The following MCF2L2 variants were observed in gnomAD, a reference collection of about 807,000 sequenced individuals.
MCF2L2 encodes the protein MCF.2 cell line derived transforming sequence-like 2, also known as probable guanine nucleotide exchange factor MCF2L2.
In MCF2L2, 102 loss-of-function variants were observed where a neutral mutation model predicts 150.2. That is an observed-to-expected ratio of 0.68 (90% CI 0.58 to 0.80). MCF2L2 has a LOEUF of 0.80. MCF2L2 is among the 30% of genes least tolerant of loss of function. The probability of loss-of-function intolerance (pLI) is 0.00; values close to 1 mark genes in which losing one functional copy is unlikely to be tolerated. For synonymous variants in MCF2L2, 465 were observed against 491.3 expected, an observed-to-expected ratio of 0.95 and a Z score of 0.71; for missense variants, 1,256 against 1,372.8, an observed-to-expected ratio of 0.91 and a Z score of 1.34.
In MCF2L2 at chr3:183,205,929, C is replaced by A. The variant is rs1325282351; in HGVS notation, c.2831G>T (p.Cys944Phe). ...TAATTTACTTATTTCTGAAAACCAA[C>A]AGTCTCTGATTTCTTTTGAAGCTGC... is the stretch of plus-strand genomic sequence containing the variant. ...LQAASKEIRDCWFSEISKLLM... is the reference protein window; with the variant it reads ...LQAASKEIRDFWFSEISKLLM... Residue 944 changes from cysteine (C) to phenylalanine (F), a missense_variant, in exon 25 of 30, where the codon TGT becomes TTT. Coordinates refer to ENST00000328913, the MANE Select transcript of MCF2L2 (RefSeq NM_015078.4). 2 of 1,614,054 alleles carry A rather than the reference C, an allele frequency of 1.2e-6. No individual in the cohort carries two copies. The highest frequency in any genetic ancestry group is 8.5e-7 in the Non-Finnish European group (1 of 1,179,934).
At chr3:183,340,809 G>T (rs550576861) in intron 4 of MCF2L2, among the ~76,000 whole-genome samples, 1 of 152,102 alleles carries the variant, frequency 6.6e-6, no homozygotes, top group Non-Finnish European at 1.5e-5. Context: ...CAAGCGTGGT[G>T]GTGCACGCCT....
intron 15 of MCF2L2, among the ~76,000 whole-genome samples, chr3:183,268,374 C>T (rs1183776973): frequency 6.6e-6 from 1 of 152,058 alleles, no homozygotes; most frequent in African/African-American, 2.4e-5. Flanking sequence ...GTCACGCTGA[C>T]TGTAAAGTGG....
intron 13 of MCF2L2, among the ~76,000 whole-genome samples, chr3:183,290,412 C>CTAATA (rs1329791729): frequency 6.6e-6 from 1 of 152,204 alleles, no homozygotes; most frequent in Non-Finnish European, 1.5e-5. Flanking sequence ...GGCCACAAGG[C>CTAATA]TAATAGATAA....
At chr3:183,230,191 G>A (rs1023066868) in intron 16 of MCF2L2, among the ~76,000 whole-genome samples, 3 of 152,174 alleles carry the variant, frequency 2.0e-5, no homozygotes. Context: ...TCGGCTCACT[G>A]CAACCTCCGC....
At chr3:183,272,732 A>G in intron 15 of MCF2L2, 1 of 1,039,000 alleles carries the variant, frequency 9.6e-7, no homozygotes, top group African/African-American at 1.7e-5. Context: ...CAAGCTTATA[A>G]TTAATTTTTA....
intron 15 of MCF2L2, among the ~76,000 whole-genome samples, chr3:183,257,066 A>T (rs1009594983): frequency 6.6e-6 from 1 of 152,240 alleles, no homozygotes; most frequent in Non-Finnish European, 1.5e-5. Context: ...AACCTGAAAA[A>T]AAAATCAGCC....
chr3:183,398,478 G>A (rs142036003), intron 1 of MCF2L2, among the ~76,000 whole-genome samples: 163 of 151,768 alleles, frequency 1.1e-3, no homozygotes, highest in African/African-American at 3.7e-3. Flanking sequence ...AGCAGCTGGC[G>A]CTACTCTAAC....
In MCF2L2 at chr3:183,290,574, G is replaced by A. The variant is rs193242739; in HGVS notation, c.1676-1354C>T. Among the ~76,000 whole-genome samples the A allele has an allele frequency of 2.3e-3, 350 of 150,666 alleles. 2 individuals carry two copies. The highest frequency in any genetic ancestry group is 8.0e-3 in the African/African-American group (325 of 40,866). On this transcript the variant is annotated intron_variant, in intron 13 of 29. Transcript: ENST00000328913. ...TTTTGAGACAGAGTCTCGCTCTGTC[G>A]CCAGGCTGGAGTGCAGTGGTGTGAT... is the stretch of plus-strand genomic sequence containing the variant.
intron 3 of MCF2L2, among the ~76,000 whole-genome samples, chr3:183,363,877 T>C (rs1183604060): frequency 6.6e-6 from 1 of 152,214 alleles, no homozygotes. Context: ...CAGCTTTACA[T>C]GCCAGTAACA....
chr3:183,308,528 A>G (rs2108506792), intron 10 of MCF2L2, among the ~76,000 whole-genome samples: 1 of 152,256 alleles, frequency 6.6e-6, no homozygotes, highest in African/African-American at 2.4e-5. Context: ...CACTGGTAAG[A>G]GAAAGAGCGC....
chr3:183,233,513 C>T (rs1408872835), intron 15 of MCF2L2, among the ~76,000 whole-genome samples: 1 of 151,726 alleles, frequency 6.6e-6, no homozygotes, highest in Non-Finnish European at 1.5e-5. Flanking sequence ...TGACAGAGGC[C>T]AGGTATTTTT....
In MCF2L2 at chr3:183,323,319, G is replaced by C; in HGVS notation, c.519C>G (p.His173Gln). ...IIMVNSVSDL[H>Q]GYIDKSQLTR... ...TCAGTTGGCTTTTGTCGATGTAGCCGTGAAGGTCAGAGACAGAGTTTACCA... is the reference window on the plus strand; with the variant it reads ...TCAGTTGGCTTTTGTCGATGTAGCCCTGAAGGTCAGAGACAGAGTTTACCA... Residue 173 changes from histidine (H) to glutamine (Q), a missense_variant, in exon 6 of 30, where the codon CAC (histidine) becomes CAG (glutamine). His to Gln is a conservative substitution (Grantham distance 24). Transcript: ENST00000328913. 6.2e-7 allele frequency: 1 copy of C among 1,613,530 alleles called. No individual in the cohort carries two copies. The highest frequency in any genetic ancestry group is 1.1e-5 in the South Asian group (1 of 91,056).
chr3:183,182,341 C>A (rs1371783301), intron 27 of MCF2L2, among the ~76,000 whole-genome samples: 1 of 141,660 alleles, frequency 7.1e-6, no homozygotes, highest in Non-Finnish European at 1.6e-5. Context: ...GGTGGGGATG[C>A]CTGGAGCACC....
intron 25 of MCF2L2, among the ~76,000 whole-genome samples, chr3:183,196,037 G>A (rs186869177): frequency 6.6e-6 from 1 of 151,756 alleles, no homozygotes; most frequent in Non-Finnish European, 1.5e-5. Context: ...ATCTTTCCCC[G>A]CAGTCTCCCT....
intron 15 of MCF2L2, chr3:183,272,485 T>A: frequency 1.0e-6 from 1 of 998,678 alleles, no homozygotes. Context: ...ACTTACAATT[T>A]TTAGCAGGTA....
chr3:183,295,356 T>G lies in MCF2L2; in HGVS notation c.1619A>C (p.His540Pro). 1 of 1,613,778 alleles carries G rather than the reference T, an allele frequency of 6.2e-7. No homozygotes were observed. Among genetic ancestry groups the G allele is most frequent in the Non-Finnish European group, 8.5e-7 (1 of 1,179,842 alleles). ...QTRPVQPVAP[H>P]PESSPKWVSS... ...CACCCATTTTGGTGAAGACTCAGGA[T>G]GTGGGGCCACAGGTTGCACTGGACG... Residue 540 changes from histidine (H) to proline (P), a missense_variant, in exon 13 of 30, where the codon CAT becomes CCT. Coordinates refer to ENST00000328913, the MANE Select transcript of MCF2L2 (RefSeq NM_015078.4).
intron 3 of MCF2L2, among the ~76,000 whole-genome samples, chr3:183,355,380 T>C (rs990685487): frequency 7.2e-5 from 11 of 151,830 alleles, no homozygotes; most frequent in South Asian, 2.1e-4. Flanking sequence ...GTCTTACTCT[T>C]TCAGTAGAGG....
intron 1 of MCF2L2, among the ~76,000 whole-genome samples, chr3:183,401,302 A>C (rs1285038329): frequency 3.9e-5 from 6 of 152,250 alleles, no homozygotes; most frequent in African/African-American, 1.4e-4. Flanking sequence ...ACAATGTGAA[A>C]TAGCCAATCA....
chr3:183,269,442 C>G (rs994007151), intron 15 of MCF2L2: 1 of 197,520 alleles, frequency 5.1e-6, no homozygotes, highest in African/African-American at 2.4e-5. Flanking sequence ...ATGTTTCTTT[C>G]CAGCACCTTA....
Sources: allele counts gnomAD v4.1 joint callset (sites outside exome capture counted in the v4.1 genomes callset), GRCh38; gene constraint gnomAD v4.1.1; transcripts MANE v1.5; gene names NCBI Gene and HGNC (gene_info 2026-07-23, HGNC 2026-07-21).